Variants in SUMF1 observed in about 807,000 individuals in gnomAD.
SUMF1 encodes formylglycine-generating enzyme.
SUMF1 carries 48 observed loss-of-function variants against 47.6 expected under a neutral mutation model. The ratio of observed to expected loss-of-function variants is 1.01; its 90% CI spans 0.80 to 1.28. The LOEUF is 1.28. Ranked by LOEUF, SUMF1 falls within the 50% of genes most tolerant of loss-of-function variation. The pLI, the probability that SUMF1 is intolerant of heterozygous loss-of-function variation, is 0.00. For missense variants in SUMF1, 571 were observed against 485.4 expected (o/e 1.18, Z -1.66); for synonymous variants, 230 against 192.1 (o/e 1.20, Z -1.63).
rs772955163 is a variant in SUMF1 at position 4,303,458 on chromosome 3, G to A, written c.1014+72872C>T. 20 of 1,536,028 alleles carry A rather than the reference G, an allele frequency of 1.3e-5. No individual in the cohort carries two copies. In the African/African-American group the frequency reaches 1.6e-4, roughly 12 times the overall value. On this transcript the variant is annotated intron_variant and NMD_transcript_variant, in intron 8 of 12. Coordinates refer to the SUMF1 transcript ENST00000448413. ...TGAGGCCCCGACTGAGCAGCTGGAT[G>A]TCGCGTGCGGCCAGGAAAACTTGCC...
chr3:4,165,392 T>C (rs992495161), intron 8 of SUMF1, among the ~76,000 whole-genome samples: 7 of 152,136 alleles, frequency 4.6e-5, no homozygotes, highest in Non-Finnish European at 8.8e-5. Context: ...CCAGGGATTT[T>C]TGTGGTCCCT....
At chr3:4,301,816 T>C (rs375242696) in intron 8 of SUMF1, among the ~76,000 whole-genome samples, 23 of 152,356 alleles carry the variant, frequency 1.5e-4, no homozygotes, top group African/African-American at 5.0e-4. Context: ...TGCTCAATCA[T>C]TAGCTGAATA....
At chr3:4,337,177 T>C (rs1476091268) in intron 8 of SUMF1, among the ~76,000 whole-genome samples, 2 of 152,010 alleles carry the variant, frequency 1.3e-5, no homozygotes, top group Admixed American at 6.6e-5. Flanking sequence ...TCTCTGTCTC[T>C]TTTCTGTCCC....
chr3:4,232,695 G>A (rs918152626), intron 8 of SUMF1, among the ~76,000 whole-genome samples: 1 of 151,932 alleles, frequency 6.6e-6, no homozygotes, highest in African/African-American at 2.4e-5. Context: ...AGGCCATATG[G>A]TATTTTTTTT....
intron 8 of SUMF1, among the ~76,000 whole-genome samples, chr3:4,140,324 T>A (rs1215642580): frequency 6.6e-6 from 1 of 152,058 alleles, no homozygotes; most frequent in Non-Finnish European, 1.5e-5. Flanking sequence ...AGGACTAGGG[T>A]TCCTCTTTCT....
intron 8 of SUMF1, among the ~76,000 whole-genome samples, chr3:4,247,048 C>A (rs1696687203): frequency 6.6e-6 from 1 of 152,018 alleles, no homozygotes; most frequent in Non-Finnish European, 1.5e-5. Context: ...TTCATGTTTT[C>A]AGTATTAATT....
intron 3 of SUMF1, among the ~76,000 whole-genome samples, chr3:4,444,264 CG>C (rs2125110256): frequency 6.6e-6 from 1 of 152,204 alleles, no homozygotes; most frequent in South Asian, 2.1e-4. Context: ...CTGTTATCAA[CG>C]GGCAAAAACT....
chr3:4,416,513 AC>A (rs1383720747), intron 6 of SUMF1, among the ~76,000 whole-genome samples: 2 of 152,260 alleles, frequency 1.3e-5, no homozygotes, highest in Non-Finnish European at 2.9e-5. Flanking sequence ...ATACATATAC[AC>A]CAGAAACACA....
intron 9 of SUMF1, among the ~76,000 whole-genome samples, chr3:4,037,475 T>C (rs1694819768): frequency 2.0e-5 from 3 of 152,172 alleles, no homozygotes; most frequent in Admixed American, 1.3e-4. Context: ...GGAAAGTTAA[T>C]GGTAGAGGGA....
At chr3:4,280,617 C>T (rs922374761) in intron 8 of SUMF1, among the ~76,000 whole-genome samples, 2 of 152,128 alleles carry the variant, frequency 1.3e-5, no homozygotes, top group Non-Finnish European at 2.9e-5. Context: ...TAACAACACG[C>T]CACAAACTGA....
chr3:4,334,994 A>G (rs905296729), intron 8 of SUMF1, among the ~76,000 whole-genome samples: 1 of 152,204 alleles, frequency 6.6e-6, no homozygotes, highest in Non-Finnish European at 1.5e-5. Context: ...GTCTTACGTA[A>G]ATAAAACCTC....
chr3:4,054,265 A>G (rs1695158135), intron 9 of SUMF1, among the ~76,000 whole-genome samples: 1 of 152,208 alleles, frequency 6.6e-6, no homozygotes, highest in Non-Finnish European at 1.5e-5. Flanking sequence ...TTTCAAAGCA[A>G]TCATGCCTTC....
chr3:4,043,553 C>T (rs540765037), intron 9 of SUMF1, among the ~76,000 whole-genome samples: 4 of 152,216 alleles, frequency 2.6e-5, no homozygotes, highest in East Asian at 1.9e-4. Flanking sequence ...CCTCTCCAGG[C>T]GCGAATTTAC....
chr3:4,060,093 G>C (rs1472618413), intron 9 of SUMF1, among the ~76,000 whole-genome samples: 1 of 152,156 alleles, frequency 6.6e-6, no homozygotes, highest in Non-Finnish European at 1.5e-5. Flanking sequence ...TTGAAGCAGA[G>C]GCTGATAAAG....
At chr3:4,325,714 T>C (rs1327593742) in intron 8 of SUMF1, among the ~76,000 whole-genome samples, 1 of 152,200 alleles carries the variant, frequency 6.6e-6, no homozygotes, top group Non-Finnish European at 1.5e-5. Context: ...AGCACAGTTT[T>C]AGTTTCTAGT....
chr3:4,040,079 CCA>C (rs1455408403), intron 9 of SUMF1, among the ~76,000 whole-genome samples: 1 of 151,918 alleles, frequency 6.6e-6, no homozygotes, highest in African/African-American at 2.4e-5. Context: ...AGTATTTTTA[CCA>C]CACACACAAA....
At chr3:4,319,859 A>G (rs7431937) in intron 8 of SUMF1, among the ~76,000 whole-genome samples, 2 of 152,226 alleles carry the variant, frequency 1.3e-5, no homozygotes, top group African/African-American at 4.8e-5. Flanking sequence ...AAAGTCCTGT[A>G]TGAACCTTAA....
At chr3:4,254,561 A>G (rs1696898566) in intron 8 of SUMF1, among the ~76,000 whole-genome samples, 1 of 147,924 alleles carries the variant, frequency 6.8e-6, no homozygotes. Flanking sequence ...GGAAGTTTAG[A>G]GAAAAAAGAA....
intron 8 of SUMF1, among the ~76,000 whole-genome samples, chr3:4,145,544 C>A (rs1242201217): frequency 1.3e-5 from 2 of 152,114 alleles, no homozygotes; most frequent in African/African-American, 2.4e-5. Context: ...CAGCTATAAG[C>A]AATTACAATG....
Sources: allele counts gnomAD v4.1 joint callset (sites outside exome capture counted in the v4.1 genomes callset), GRCh38; gene constraint gnomAD v4.1.1; transcripts MANE v1.5; gene names NCBI Gene and HGNC (gene_info 2026-07-23, HGNC 2026-07-21).